The following ZNF407 variants were observed in gnomAD, a reference collection of about 807,000 sequenced individuals.
ZNF407 encodes zinc finger protein 407.
ZNF407 carries 17 observed loss-of-function variants against 131.2 expected under a neutral mutation model. The ratio of observed to expected loss-of-function variants is 0.13; its 90% CI spans 0.09 to 0.19. The LOEUF is 0.19. ZNF407 is among the 10% of genes least tolerant of loss of function. The pLI is 1.00. For synonymous variants in ZNF407, 1,156 were observed against 1,062.0 expected (o/e 1.09, Z -1.72); for missense variants, 2,681 against 2,830.6 (o/e 0.95, Z 1.20).
At chr18:74,861,348 T>C (rs1035725624) in intron 4 of ZNF407, among the ~76,000 whole-genome samples, 1 of 152,194 alleles carries the variant, frequency 6.6e-6, no homozygotes, top group Non-Finnish European at 1.5e-5. Flanking sequence ...AAAATCCAAA[T>C]GTTTAGTTTG....
At chr18:74,841,640 A>G (rs150052552) in intron 4 of ZNF407, among the ~76,000 whole-genome samples, 1 of 152,236 alleles carries the variant, frequency 6.6e-6, no homozygotes. Flanking sequence ...GTTGTTGCTA[A>G]TGATGTTAAT....
chr18:74,847,042 A>G (rs17055726), intron 4 of ZNF407, among the ~76,000 whole-genome samples: 3,852 of 152,132 alleles, frequency 0.025, 150 homozygotes, highest in African/African-American at 0.087. Flanking sequence ...CACTTTTGCT[A>G]TTTGCTCAAA....
chr18:74,826,780 G>A lies in ZNF407; in HGVS notation c.4877+45278G>A, dbSNP rs1970415605. ...GTGATGTCATCTTCACTGGCAGCAT[G>A]AGGGTTAACGTACAGTAAGCAGCGA... is the stretch of plus-strand genomic sequence containing the variant. On this transcript the variant is annotated intron_variant, in intron 4 of 8. Transcript: ENST00000299687. Among the ~76,000 whole-genome samples the A allele has an allele frequency of 2.0e-5, 3 of 152,170 alleles. No individual in the cohort carries two copies. The South Asian group carries it at 6.2e-4, about 32-fold the overall frequency.
At chr18:74,832,751 TG>T (rs1287645269) in intron 4 of ZNF407, among the ~76,000 whole-genome samples, 1 of 152,242 alleles carries the variant, frequency 6.6e-6, no homozygotes, top group African/African-American at 2.4e-5. Flanking sequence ...TTACTATAGT[TG>T]AGTGGATTGT....
At chr18:74,978,497 T>C (rs970033939) in intron 8 of ZNF407, among the ~76,000 whole-genome samples, 2 of 152,006 alleles carry the variant, frequency 1.3e-5, no homozygotes, top group Non-Finnish European at 2.9e-5. Context: ...ATGGTGTTGA[T>C]TGTGAACATT....
intron 8 of ZNF407, among the ~76,000 whole-genome samples, chr18:74,969,982 G>A (rs1972453828): frequency 6.6e-6 from 1 of 152,152 alleles, no homozygotes; most frequent in South Asian, 2.1e-4. Context: ...TTACAGTCTG[G>A]GGAGGTCTCA....
At chr18:74,819,445 G>T (rs895520334) in intron 4 of ZNF407, among the ~76,000 whole-genome samples, 1 of 152,116 alleles carries the variant, frequency 6.6e-6, no homozygotes, top group Non-Finnish European at 1.5e-5. Flanking sequence ...TGACTTTGAG[G>T]CTAATTTTAC....
chr18:74,942,918 CTTTT>C (rs11331408), intron 8 of ZNF407, among the ~76,000 whole-genome samples: 3 of 147,658 alleles, frequency 2.0e-5, no homozygotes, highest in African/African-American at 7.4e-5. Context: ...TTTATTTTAT[CTTTT>C]TTTTTTTGTT....
chr18:74,793,872 C>G (rs1486258351), intron 4 of ZNF407, among the ~76,000 whole-genome samples: 1 of 152,160 alleles, frequency 6.6e-6, no homozygotes, highest in African/African-American at 2.4e-5. Context: ...TAGATGAGAG[C>G]AAGTCTTCTC....
intron 8 of ZNF407, among the ~76,000 whole-genome samples, chr18:75,011,587 C>G (rs199786026): frequency 3.3e-5 from 5 of 152,072 alleles, no homozygotes; most frequent in Admixed American, 3.3e-4. Flanking sequence ...AATATTCATC[C>G]ATTTAAGTTT....
At chr18:74,775,974 GACCAATC>G (rs1237959355) in intron 3 of ZNF407, among the ~76,000 whole-genome samples, 1 of 152,198 alleles carries the variant, frequency 6.6e-6, no homozygotes, top group Non-Finnish European at 1.5e-5. Context: ...CTGCCTCCGT[GACCAATC>G]ACCACCCACC....
chr18:75,004,317 A>G (rs1972881893), intron 8 of ZNF407, among the ~76,000 whole-genome samples: 1 of 152,202 alleles, frequency 6.6e-6, no homozygotes, highest in African/African-American at 2.4e-5. Context: ...ACTGGGTTCC[A>G]TTGCCCACAG....
intron 8 of ZNF407, among the ~76,000 whole-genome samples, chr18:74,950,311 A>G (rs1399972295): frequency 6.6e-6 from 1 of 152,214 alleles, no homozygotes; most frequent in African/African-American, 2.4e-5. Flanking sequence ...TAATGCTTAC[A>G]TATTTTAAAA....
intron 8 of ZNF407, among the ~76,000 whole-genome samples, chr18:75,037,987 T>A (rs1973329283): frequency 6.6e-6 from 1 of 152,218 alleles, no homozygotes; most frequent in Non-Finnish European, 1.5e-5. Flanking sequence ...AATTAACATC[T>A]CTCTTTATAA....
chr18:75,041,756 C>T lies in ZNF407; in HGVS notation c.5429-21394C>T, dbSNP rs1407430933. On this transcript the variant is annotated intron_variant, in intron 8 of 8. Coordinates refer to ENST00000299687, the MANE Select transcript of ZNF407 (RefSeq NM_017757.3). ...ACCACAATTACAGCCACCTAGTGGA[C>T]GATCAGCATCCCCATTTTTATATAA... 3.3e-5 allele frequency among the ~76,000 whole-genome samples: 5 copies of T among 152,288 alleles called. No homozygotes were observed. The South Asian group carries it at 6.2e-4, about 19-fold the overall frequency.
intron 3 of ZNF407, among the ~76,000 whole-genome samples, chr18:74,679,409 C>T (rs1966929865): frequency 6.6e-6 from 1 of 152,188 alleles, no homozygotes; most frequent in Non-Finnish European, 1.5e-5. Flanking sequence ...CAAGTGTATG[C>T]TTCTGTACGG....
chr18:74,954,323 G>GTA (rs1972251303), intron 8 of ZNF407, among the ~76,000 whole-genome samples: 2 of 152,090 alleles, frequency 1.3e-5, no homozygotes, highest in South Asian at 4.1e-4. Context: ...TGATCTCTTT[G>GTA]TATACTATTG....
At chr18:74,808,710 T>C in intron 4 of ZNF407, among the ~76,000 whole-genome samples, 1 of 151,942 alleles carries the variant, frequency 6.6e-6, no homozygotes, top group East Asian at 1.9e-4. Flanking sequence ...TCAATTACAT[T>C]TTTTTTAAAG....
chr18:74,618,549 A>G (rs1983405234), intron 1 of ZNF407, among the ~76,000 whole-genome samples: 1 of 152,212 alleles, frequency 6.6e-6, no homozygotes, highest in Admixed American at 6.5e-5. Flanking sequence ...GAGGGCCTCA[A>G]TCATAAATGT....
Sources: allele counts gnomAD v4.1 joint callset (sites outside exome capture counted in the v4.1 genomes callset), GRCh38; gene constraint gnomAD v4.1.1; transcripts MANE v1.5; gene names NCBI Gene and HGNC (gene_info 2026-07-23, HGNC 2026-07-21).